Variants in CEACAM7 observed in about 807,000 individuals in gnomAD.
CEACAM7 encodes cell adhesion molecule CEACAM7.
A neutral mutation model predicts 25.7 loss-of-function variants in CEACAM7; 24 were observed. That is an observed-to-expected ratio of 0.93 (90% CI 0.68 to 1.31). The LOEUF is 1.31. Ranked by LOEUF, CEACAM7 falls within the 40% of genes most tolerant of loss-of-function variation. CEACAM7 has a pLI of 0.00. For missense variants in CEACAM7, 324 were observed against 330.1 expected (o/e 0.98, Z 0.14); for synonymous variants, 144 against 129.4 (o/e 1.11, Z -0.77).
In CEACAM7 at chr19:41,674,184, G is replaced by A. The variant is rs1454683592; in HGVS notation, c.*592C>T. On this transcript the variant is annotated 3_prime_UTR_variant, in exon 5 of 5. Transcript: ENST00000401731. ...CCCATAGCTGGGTTAAATTAAAACA[G>A]GGCGTGAGAACAGGTGAGTCTAGAG... The A allele has an allele frequency of 1.3e-5, 2 of 152,228 alleles. No homozygotes were observed. Among genetic ancestry groups the A allele is most frequent in the Admixed American group, 1.3e-4 (2 of 15,290 alleles). The allele number at this position is 152,228 out of a possible 1,614,324, so 9.4% of individuals were successfully genotyped here.
Position 41,673,659 on chromosome 19 carries a change from G to A in CEACAM7, c.*1117C>T, listed in dbSNP as rs2072086498. 1.3e-5 allele frequency: 2 copies of A among 152,136 alleles called. No individual in the cohort carries two copies. Among genetic ancestry groups the A allele is most frequent in the South Asian group, 2.1e-4 (1 of 4,828 alleles). The allele number at this position is 152,136 out of a possible 1,614,324, so 9.4% of individuals were successfully genotyped here. A position where few individuals can be genotyped will look rare whatever the true frequency, so the allele number is the denominator to read the frequency against. ...ATTTAGCATGACTGGCTCCATTCTGGAGTCACCAGGCTGTCACCTAAATGA... is the reference window on the plus strand; with the variant it reads ...ATTTAGCATGACTGGCTCCATTCTGAAGTCACCAGGCTGTCACCTAAATGA... On this transcript the variant is annotated 3_prime_UTR_variant, in exon 5 of 5. Coordinates refer to ENST00000401731, the MANE Select transcript of CEACAM7 (RefSeq NM_001291485.2).
chr19:41,678,284 A>T (rs2072136667), intron 3 of CEACAM7, among the ~76,000 whole-genome samples: 1 of 151,076 alleles, frequency 6.6e-6, no homozygotes, highest in African/African-American at 2.5e-5. Context: ...GTCCCAGTGG[A>T]CTTTTTGTGT....
Position 41,686,874 on chromosome 19 carries a change from G to T in CEACAM7, c.412C>A (p.Gln138Lys), listed in dbSNP as rs1371186088. Residue 138 changes from glutamine (Q) to lysine (K), a missense_variant, in exon 2 of 5, where the codon CAA (glutamine) becomes AAA (lysine). Transcript: ENST00000401731. ...ENLVNEEVTR[Q>K]FYVFSEPPKP... ...TATCACTCACAGAATACGTAGAATT[G>T]TCTGGTTACTTCTTCATTCACAAGA... The T allele has an allele frequency of 6.5e-7, 1 of 1,530,070 alleles. No homozygotes were observed. The highest frequency in any genetic ancestry group is 1.3e-5 in the South Asian group (1 of 75,528). 94.8% of individuals were successfully genotyped at this position (1,530,070 alleles called of 1,614,324 possible).
chr19:41,683,084 T>G (rs2072191242), intron 3 of CEACAM7, among the ~76,000 whole-genome samples: 1 of 152,182 alleles, frequency 6.6e-6, no homozygotes, highest in Admixed American at 6.5e-5. Flanking sequence ...CAGCTCTTCC[T>G]TAACACCAGA....
chr19:41,680,817 T>C (rs2072167153), intron 3 of CEACAM7, among the ~76,000 whole-genome samples: 1 of 152,070 alleles, frequency 6.6e-6, no homozygotes, highest in Non-Finnish European at 1.5e-5. Flanking sequence ...TATAAAACTC[T>C]TAGAAGAAAA....
Position 41,686,865 on chromosome 19 carries a change from CG to C in CEACAM7, c.420del (p.Tyr140Ter). 6.5e-7 allele frequency: 1 copy of C among 1,528,490 alleles called. No homozygotes were observed. The highest frequency in any genetic ancestry group is 8.8e-7 in the Non-Finnish European group (1 of 1,140,992). 94.7% of individuals were successfully genotyped at this position (1,528,490 alleles called of 1,614,324 possible). On this transcript the variant is annotated frameshift_variant, in exon 2 of 5. Transcript: ENST00000401731. LOFTEE classifies it high-confidence loss of function. ...LVNEEVTRQF[Y>X]VFSEPPKPSI... Reference sequence around the variant, plus strand: ...TCATGGAGGTATCACTCACAGAATACGTAGAATTGTCTGGTTACTTCTTCAT... The same window carrying C: ...TCATGGAGGTATCACTCACAGAATACTAGAATTGTCTGGTTACTTCTTCAT...
intron 4 of CEACAM7, among the ~76,000 whole-genome samples, chr19:41,675,454 C>G (rs2072105063): frequency 6.6e-6 from 1 of 152,148 alleles, no homozygotes; most frequent in Admixed American, 6.5e-5. Context: ...TTCATCTAGT[C>G]CCATGAAATT....
chr19:41,676,668 G>T (rs73545142), intron 4 of CEACAM7, among the ~76,000 whole-genome samples: 2 of 152,224 alleles, frequency 1.3e-5, no homozygotes, highest in Non-Finnish European at 2.9e-5. Context: ...TGAGTCTCAG[G>T]TTCACATACT....
At chr19:41,677,295 G>C (rs1320825884) in intron 4 of CEACAM7, 81 bp downstream of exon 4, 2 of 719,590 alleles carry the variant, frequency 2.8e-6, no homozygotes, top group Non-Finnish European at 4.9e-6. Context: ...CCAGATACAG[G>C]TGAAGAAGTC....
intron 3 of CEACAM7, among the ~76,000 whole-genome samples, chr19:41,681,132 G>C (rs1411074840): frequency 6.6e-6 from 1 of 152,134 alleles, no homozygotes; most frequent in Non-Finnish European, 1.5e-5. Flanking sequence ...ATTTCTCCAA[G>C]GAAGATATGC....
At chr19:41,684,120 G>A in intron 2 of CEACAM7, 57 bp from the exon 3 acceptor site, 1 of 1,578,942 alleles carries the variant, frequency 6.3e-7, no homozygotes, top group Non-Finnish European at 8.6e-7. Flanking sequence ...TTCCCCCACG[G>A]ACATCTTTCA....
chr19:41,686,459 G>T (rs2072225877), intron 2 of CEACAM7, among the ~76,000 whole-genome samples: 1 of 152,192 alleles, frequency 6.6e-6, no homozygotes, highest in African/African-American at 2.4e-5. Context: ...GTCACCTGGA[G>T]TCAAGAGCCC....
At chr19:41,677,064 G>C (rs575641040) in intron 4 of CEACAM7, among the ~76,000 whole-genome samples, 1 of 152,266 alleles carries the variant, frequency 6.6e-6, no homozygotes, top group South Asian at 2.1e-4. Context: ...AGTTGTTGAG[G>C]TTTATGGGAA....
chr19:41,685,619 G>A (rs1431240152), intron 2 of CEACAM7, among the ~76,000 whole-genome samples: 1 of 152,156 alleles, frequency 6.6e-6, no homozygotes, highest in Non-Finnish European at 1.5e-5. Flanking sequence ...GGCATGTGCA[G>A]GGTGTGAGTG....
intron 3 of CEACAM7, 64 bp from the exon 4 acceptor site, chr19:41,677,567 A>G (rs2072128139): frequency 8.4e-7 from 1 of 1,183,990 alleles, no homozygotes; most frequent in Admixed American, 1.7e-5. Context: ...TCCCCCAGGA[A>G]CCAACTCTCA....
rs1223975564 is a variant in CEACAM7 at position 41,673,963 on chromosome 19, C to T, written c.*813G>A. ...ATAGGCAGAGACCCCATGAACCAAA[C>T]CAAATAAAAGAGAATAGATTAAAGA... is the stretch of plus-strand genomic sequence containing the variant. On this transcript the variant is annotated 3_prime_UTR_variant, in exon 5 of 5. Coordinates refer to ENST00000401731, the MANE Select transcript of CEACAM7 (RefSeq NM_001291485.2). The T allele has an allele frequency of 6.6e-6, 1 of 152,104 alleles. No individual in the cohort carries two copies. Among genetic ancestry groups the T allele is most frequent in the Non-Finnish European group, 1.5e-5 (1 of 68,028 alleles). 9.4% of individuals were successfully genotyped at this position (152,104 alleles called of 1,614,324 possible).
chr19:41,688,116 C>T lies in CEACAM7; in HGVS notation c.50G>A (p.Gly17Glu). 1 of 1,611,368 alleles carries T rather than the reference C, an allele frequency of 6.2e-7. No individual in the cohort carries two copies. Among genetic ancestry groups the T allele is most frequent in the Non-Finnish European group, 8.5e-7 (1 of 1,178,490 alleles). Residue 17 changes from glycine to glutamate, a missense_variant, in exon 1 of 5, where the codon GGG becomes GAG. By Grantham distance (98) the Gly-to-Glu change is moderately conservative. Coordinates refer to ENST00000401731, the MANE Select transcript of CEACAM7 (RefSeq NM_001291485.2). ...CCTCCCCTCACCTGTGAGCAGGAGC[C>T]CCTGCCAGGGAATGCACACTCTGTA... The part of the protein sequence containing the change: ...CPYRVCIPWQ[G>E]LLLTASLLTF...
intron 2 of CEACAM7, among the ~76,000 whole-genome samples, chr19:41,685,464 G>A (rs1353099621): frequency 3.3e-5 from 5 of 152,106 alleles, no homozygotes; most frequent in South Asian, 2.1e-4. Flanking sequence ...CCCTTGGAGG[G>A]ACAGGGAACA....
rs782340935 is a variant in CEACAM7, at chr19:41,673,466, C to A, written c.*1310G>T. ...ATATAAATAAATTGATTTAAATAAACTGATTGGTTAATTTCAGAATACTTC... is the reference window on the plus strand; with the variant it reads ...ATATAAATAAATTGATTTAAATAAAATGATTGGTTAATTTCAGAATACTTC... On this transcript the variant is annotated 3_prime_UTR_variant, in exon 5 of 5. Coordinates refer to ENST00000401731, the MANE Select transcript of CEACAM7 (RefSeq NM_001291485.2). 1.3e-5 allele frequency: 2 copies of A among 152,230 alleles called. No individual in the cohort carries two copies. The highest frequency in any genetic ancestry group is 6.5e-5 in the Admixed American group (1 of 15,294). 9.4% of individuals were successfully genotyped at this position (152,230 alleles called of 1,614,324 possible). A position where few individuals can be genotyped will look rare whatever the true frequency, so the allele number is the denominator to read the frequency against.
Sources: allele counts gnomAD v4.1 joint callset (sites outside exome capture counted in the v4.1 genomes callset), GRCh38; gene constraint gnomAD v4.1.1; transcripts MANE v1.5; gene names NCBI Gene and HGNC (gene_info 2026-07-23, HGNC 2026-07-21).